WAC: variants seen among roughly 807,000 people sequenced by gnomAD.
WAC encodes the protein WW domain containing adaptor with coiled-coil.
Under a neutral mutation model 79.6 loss-of-function variants are expected in WAC, and 11 were observed. The observed-to-expected ratio is 0.14, with a 90% CI of 0.09 to 0.23. WAC has a LOEUF of 0.23. WAC is among the 10% of genes least tolerant of loss of function. The pLI, the probability that WAC is intolerant of heterozygous loss-of-function variation, is 1.00. For missense variants in WAC, 728 were observed against 773.5 expected (o/e 0.94, Z 0.70); for synonymous variants, 304 against 276.9 (o/e 1.10, Z -0.97).
At chr10:28,603,955 ATGTATG>A (rs1840781151) in intron 7 of WAC, among the ~76,000 whole-genome samples, 12 of 12,826 alleles carry the variant, frequency 9.4e-4, no homozygotes, top group South Asian at 4.1e-3. Context: ...ATATATATGT[ATGTATG>A]TATATATATA....
Position 28,616,378 on chromosome 10 carries a change from C to CCT in WAC, c.1746+17_1746+18dup, listed in dbSNP as rs774491576. 1 of 1,528,754 alleles carries CCT rather than the reference C, an allele frequency of 6.5e-7. No homozygotes were observed. The highest frequency in any genetic ancestry group is 1.4e-5 in the African/African-American group (1 of 73,060). 94.7% of individuals were successfully genotyped at this position (1,528,754 alleles called of 1,614,324 possible). A position where few individuals can be genotyped will look rare whatever the true frequency, so the allele number is the denominator to read the frequency against. On this transcript the variant is annotated intron_variant, in intron 12 of 13. Transcript: ENST00000354911. ...AGAGAAGCAGGTATGTTATGTACAG[C>CCT]CTAGATTTTACCTTTGGATGATTAG...
In WAC at chr10:28,596,911, C is replaced by T. The variant is rs1840399611; in HGVS notation, c.919+870C>T. Among the ~76,000 whole-genome samples the T allele has an allele frequency of 2.0e-5, 3 of 152,106 alleles. No homozygotes were observed. In the South Asian group the frequency reaches 6.2e-4, roughly 32 times the overall value. ...GTTGGATTTCTTTTGTTTCTGATTT[C>T]CTCTCTCCTTGAACTACAGTGTGAT... On this transcript the variant is annotated intron_variant, in intron 7 of 13. Coordinates refer to ENST00000354911, the MANE Select transcript of WAC (RefSeq NM_016628.5).
chr10:28,613,339 C>G lies in WAC; in HGVS notation c.1438-1228C>G, dbSNP rs575282256. ...CAAGATCACGGCACTGCACTCCAGCCTGGGCAAGAGAGTGAAACTCTGAAA... is the reference window on the plus strand; with the variant it reads ...CAAGATCACGGCACTGCACTCCAGCGTGGGCAAGAGAGTGAAACTCTGAAA... On this transcript the variant is annotated intron_variant, in intron 10 of 13. Coordinates refer to ENST00000354911, the MANE Select transcript of WAC (RefSeq NM_016628.5). 3.5e-4 allele frequency among the ~76,000 whole-genome samples: 53 copies of G among 152,240 alleles called. No individual in the cohort carries two copies. In the East Asian group the frequency reaches 6.8e-3, roughly 19 times the overall value.
chr10:28,616,578 T>C (rs1186626804), intron 12 of WAC, among the ~76,000 whole-genome samples: 1 of 152,266 alleles, frequency 6.6e-6, no homozygotes, highest in African/African-American at 2.4e-5. Flanking sequence ...TGTCAAGTAC[T>C]CAGCAGTTAG....
chr10:28,581,561 T>TGTTG (rs1005491069), intron 3 of WAC, among the ~76,000 whole-genome samples: 5 of 151,872 alleles, frequency 3.3e-5, no homozygotes, highest in African/African-American at 1.2e-4. Context: ...TTTGTTTGTT[T>TGTTG]GTTTGTTTTT....
Position 28,553,016 on chromosome 10 carries a change from T to C in WAC, c.274+17259T>C, listed in dbSNP as rs188246180. Among the ~76,000 whole-genome samples, 4 of 152,286 alleles carry C rather than the reference T, an allele frequency of 2.6e-5. No homozygotes were observed. The East Asian group carries it at 7.7e-4, about 29-fold the overall frequency. The stretch of plus-strand genomic sequence containing the variant: ...ATTTGTTCTGTGTCCTGCCAGCTCA[T>C]GGTAACTTTCCCTGCCCGAGGTAGT... On this transcript the variant is annotated intron_variant, in intron 3 of 13. Coordinates refer to ENST00000354911, the MANE Select transcript of WAC (RefSeq NM_016628.5).
chr10:28,589,594 ATACT>A (rs2132668056), intron 4 of WAC, 138 bp from the exon 5 acceptor site: 2 of 444,948 alleles, frequency 4.5e-6, no homozygotes, highest in South Asian at 5.2e-5. Context: ...GGTCTTATAA[ATACT>A]TACACAGATA....
chr10:28,609,133 G>A lies in WAC; in HGVS notation c.1165+702G>A, dbSNP rs546783195. Among the ~76,000 whole-genome samples the A allele has an allele frequency of 1.2e-3, 183 of 152,304 alleles. 1 individual carries two copies. Among genetic ancestry groups the A allele is most frequent in the African/African-American group, 3.9e-3 (164 of 41,568 alleles). On this transcript the variant is annotated intron_variant, in intron 8 of 13. Coordinates refer to ENST00000354911, the MANE Select transcript of WAC (RefSeq NM_016628.5). ...AAATGATAAATTTTTAGGCCGAGGC[G>A]GGTGGATCACCTGAGGTCAGGAGTT...
chr10:28,594,059 T>C (rs1840232637), intron 6 of WAC, among the ~76,000 whole-genome samples: 1 of 152,166 alleles, frequency 6.6e-6, no homozygotes. Context: ...AGCACCACCC[T>C]CTGGGAGGGT....
At chr10:28,553,667 G>GTA (rs1286416256) in intron 3 of WAC, among the ~76,000 whole-genome samples, 1 of 152,158 alleles carries the variant, frequency 6.6e-6, no homozygotes, top group African/African-American at 2.4e-5. Flanking sequence ...AGGTATATAA[G>GTA]TAGAGTGTAA....
intron 3 of WAC, among the ~76,000 whole-genome samples, chr10:28,569,976 G>C (rs1838856184): frequency 6.6e-6 from 1 of 152,146 alleles, no homozygotes; most frequent in African/African-American, 2.4e-5. Flanking sequence ...ATGCACCTCT[G>C]GTTGTCTCAG....
intron 10 of WAC, among the ~76,000 whole-genome samples, 183 bp from the exon 11 acceptor site, chr10:28,614,384 C>T (rs891847248): frequency 2.0e-5 from 3 of 152,216 alleles, no homozygotes; most frequent in Admixed American, 6.5e-5. Flanking sequence ...TGAGCCACCG[C>T]GCCCAGCCCT....
chr10:28,573,766 T>C (rs1180951746), intron 3 of WAC, among the ~76,000 whole-genome samples: 2 of 152,234 alleles, frequency 1.3e-5, no homozygotes, highest in East Asian at 3.8e-4. Context: ...TATAGTTCAC[T>C]GATTTTTAAT....
rs539228092 is a variant in WAC at position 28,592,451 on chromosome 10, G to A, written c.610+1619G>A. Reference sequence around the variant, plus strand: ...ATCCTGGCCAACATGGTGAAACCCCGTCTCTACTAAAATACAAAAGTTATC... The same window carrying A: ...ATCCTGGCCAACATGGTGAAACCCCATCTCTACTAAAATACAAAAGTTATC... On this transcript the variant is annotated intron_variant, in intron 6 of 13. Transcript: ENST00000354911. Among the ~76,000 whole-genome samples, 81 of 152,070 alleles carry A rather than the reference G, an allele frequency of 5.3e-4. No individual in the cohort carries two copies. The East Asian group carries it at 6.8e-3, about 13-fold the overall frequency.
At chr10:28,579,757 A>G (rs1208886246) in intron 3 of WAC, among the ~76,000 whole-genome samples, 1 of 152,212 alleles carries the variant, frequency 6.6e-6, no homozygotes, top group Non-Finnish European at 1.5e-5. Context: ...TAAGAGGCTC[A>G]AATGAAATAC....
At chr10:28,568,270 C>T (rs1838759733) in intron 3 of WAC, among the ~76,000 whole-genome samples, 1 of 152,134 alleles carries the variant, frequency 6.6e-6, no homozygotes, top group Non-Finnish European at 1.5e-5. Context: ...GAGTTGTTTG[C>T]AAAAATACAT....
At position 28,560,273 on chromosome 10, in the gene WAC, A is replaced by G. The variant is rs150473390; in HGVS notation, c.275-23126A>G. On this transcript the variant is annotated intron_variant, in intron 3 of 13. Coordinates refer to ENST00000354911, the MANE Select transcript of WAC (RefSeq NM_016628.5). ...GGGATGGGAGGCACCTGAGGGGGCA[A>G]TCACAGATAGCTTGAGACTAGGAGG... is the stretch of plus-strand genomic sequence containing the variant. Among the ~76,000 whole-genome samples the G allele has an allele frequency of 5.6e-4, 85 of 152,294 alleles. 1 individual carries two copies. In the East Asian group the frequency reaches 9.7e-3, roughly 17 times the overall value.
At position 28,541,415 on chromosome 10, in the gene WAC, G is replaced by GTTTTTTTTTTTTTTT. The variant is rs143772149; in HGVS notation, c.274+5662_274+5663insTTTTTTTTTTTTTTT. On this transcript the variant is annotated intron_variant, in intron 3 of 13. Coordinates refer to ENST00000354911, the MANE Select transcript of WAC (RefSeq NM_016628.5). ...TTTTTGTGGGGTTGTGTGTGTGTGT[G>GTTTTTTTTTTTTTTT]TTTTGTTTTTTTTTTTTTTTTTTTT... is the stretch of plus-strand genomic sequence containing the variant. Among the ~76,000 whole-genome samples the GTTTTTTTTTTTTTTT allele has an allele frequency of 1.3e-4, 5 of 37,904 alleles. 2 individuals are homozygous for GTTTTTTTTTTTTTTT. The highest frequency in any genetic ancestry group is 2.1e-4 in the Non-Finnish European group (5 of 23,614). 24.9% of individuals were successfully genotyped at this position (37,904 alleles called of 152,430 possible).
chr10:28,546,355 T>C (rs546674662), intron 3 of WAC, among the ~76,000 whole-genome samples: 3 of 152,336 alleles, frequency 2.0e-5, no homozygotes, highest in Non-Finnish European at 2.9e-5. Context: ...TGCCTGTTGA[T>C]TGTGAAAAGA....
Sources: allele counts gnomAD v4.1 joint callset (sites outside exome capture counted in the v4.1 genomes callset), GRCh38; gene constraint gnomAD v4.1.1; transcripts MANE v1.5; gene names NCBI Gene and HGNC (gene_info 2026-07-23, HGNC 2026-07-21).